DCDC2: variants seen among roughly 807,000 people sequenced by gnomAD.
DCDC2 encodes doublecortin domain containing 2.
A neutral mutation model predicts 50.2 loss-of-function variants in DCDC2; 40 were observed. That is an observed-to-expected ratio of 0.80 (90% confidence interval 0.62 to 1.04). The LOEUF is 1.04. Among genes scored for constraint, DCDC2 ranks in the 50% least tolerant of loss-of-function variants. The probability of loss-of-function intolerance (pLI) is 0.00; values close to 1 mark genes in which losing one functional copy is unlikely to be tolerated. For synonymous variants in DCDC2, 234 were observed against 210.6 expected, an observed-to-expected ratio of 1.11 and a Z score of -0.96; for missense variants, 570 against 581.9, an observed-to-expected ratio of 0.98 and a Z score of 0.21.
At chr6:24,277,455 C>T (rs1763386030) in intron 7 of DCDC2, among the ~76,000 whole-genome samples, 1 of 152,358 alleles carries the variant, frequency 6.6e-6, no homozygotes. Context: ...TCATTACATA[C>T]TTCCTTAGTC....
intron 7 of DCDC2, among the ~76,000 whole-genome samples, chr6:24,274,605 C>CAAAAAAAAAAAAA (rs61569208): frequency 1.3e-4 from 11 of 82,412 alleles, no homozygotes; most frequent in Non-Finnish European, 1.8e-4. Flanking sequence ...GAAACAGAGT[C>CAAAAAAAAAAAAA]AAAAAAAAAA....
intron 8 of DCDC2, among the ~76,000 whole-genome samples, chr6:24,196,886 A>C (rs1471695939): frequency 6.6e-6 from 1 of 152,204 alleles, no homozygotes; most frequent in African/African-American, 2.4e-5. Context: ...ACTATAATGA[A>C]ACTAATGGGC....
intron 8 of DCDC2, among the ~76,000 whole-genome samples, chr6:24,180,600 T>C (rs13207282): frequency 0.48 from 73,430 of 151,870 alleles, 19,809 homozygotes; most frequent in Non-Finnish European, 0.59. Context: ...GGGTTTTTTT[T>C]AATGATAGGG....
intron 7 of DCDC2, among the ~76,000 whole-genome samples, chr6:24,248,923 A>T (rs1561906284): frequency 6.6e-6 from 1 of 152,338 alleles, no homozygotes; most frequent in East Asian, 1.9e-4. Flanking sequence ...CTTTAAAACC[A>T]TAACTACCAA....
intron 7 of DCDC2, among the ~76,000 whole-genome samples, chr6:24,220,870 A>AGAGAGACAGAGAGCGAGAGAGAGAGAGAC (rs1554146303): frequency 7.9e-6 from 1 of 127,192 alleles, no homozygotes; most frequent in East Asian, 2.6e-4. Flanking sequence ...GACAGAGAGC[A>AGAGAGACAGAGAGCGAGAGAGAGAGAGAC]AGAGAGCGAG....
intron 7 of DCDC2, among the ~76,000 whole-genome samples, chr6:24,223,762 G>T (rs1476659002): frequency 6.6e-6 from 1 of 152,222 alleles, no homozygotes; most frequent in Admixed American, 6.5e-5. Context: ...CTGAGGATCT[G>T]CAGCTAACAA....
At chr6:24,283,959 C>T (rs1228828128) in intron 6 of DCDC2, among the ~76,000 whole-genome samples, 1 of 152,164 alleles carries the variant, frequency 6.6e-6, no homozygotes, top group African/African-American at 2.4e-5. Context: ...TCTCTCACTT[C>T]CTCTTCCCAT....
intron 2 of DCDC2, among the ~76,000 whole-genome samples, chr6:24,348,766 G>A (rs1268090518): frequency 6.6e-6 from 1 of 152,048 alleles, no homozygotes; most frequent in South Asian, 2.1e-4. Context: ...CACTTCCTCA[G>A]TCCTCTGAGC....
At chr6:24,377,677 TATAGG>T in the DCDC2 span, among the ~76,000 whole-genome samples, 1 of 152,190 alleles carries the variant, frequency 6.6e-6, no homozygotes, top group Non-Finnish European at 1.5e-5. Flanking sequence ...AAAACTGGCA[TATAGG>T]ATTAAAAGAA....
intron 8 of DCDC2, among the ~76,000 whole-genome samples, chr6:24,190,015 T>A (rs1761281808): frequency 6.6e-6 from 1 of 152,110 alleles, no homozygotes; most frequent in African/African-American, 2.4e-5. Flanking sequence ...CAGTTTCAAT[T>A]TTTTATGATG....
chr6:24,284,956 A>G (rs1700280603), intron 6 of DCDC2, among the ~76,000 whole-genome samples: 1 of 152,148 alleles, frequency 6.6e-6, no homozygotes, highest in African/African-American at 2.4e-5. Flanking sequence ...CATAGCATTT[A>G]TCACCATTTG....
At chr6:24,204,814 G>A (rs1761672882) in intron 8 of DCDC2, among the ~76,000 whole-genome samples, 188 bp downstream of exon 8, 1 of 151,466 alleles carries the variant, frequency 6.6e-6, no homozygotes, top group Admixed American at 6.6e-5. Context: ...GGTCTAAATG[G>A]CTATTCTTCA....
intron 7 of DCDC2, among the ~76,000 whole-genome samples, chr6:24,238,406 A>G (rs796227908): frequency 4.0e-5 from 6 of 151,260 alleles, no homozygotes; most frequent in African/African-American, 1.5e-4. Flanking sequence ...TCAAGCGATT[A>G]TCATGCCTCA....
chr6:24,379,406 A>G, the DCDC2 span, among the ~76,000 whole-genome samples: 11 of 152,382 alleles, frequency 7.2e-5, no homozygotes, highest in Middle Eastern at 6.8e-3. Flanking sequence ...TTCTCAAAAA[A>G]AGACATTTAT....
At chr6:24,179,673 G>A (rs1290022331) in intron 8 of DCDC2, among the ~76,000 whole-genome samples, 2 of 151,232 alleles carry the variant, frequency 1.3e-5, no homozygotes, top group Non-Finnish European at 1.5e-5. Flanking sequence ...GGGAACAGGA[G>A]GCCAGGCACG....
intron 2 of DCDC2, among the ~76,000 whole-genome samples, chr6:24,319,835 G>A (rs1207640526): frequency 6.6e-6 from 1 of 152,112 alleles, no homozygotes; most frequent in African/African-American, 2.4e-5. Flanking sequence ...AGCAGAGATG[G>A]AGGGAGAGGA....
intron 4 of DCDC2, among the ~76,000 whole-genome samples, chr6:24,294,308 T>C (rs1318873429): frequency 6.6e-6 from 1 of 151,924 alleles, no homozygotes; most frequent in Non-Finnish European, 1.5e-5. Context: ...TGAACAGAGA[T>C]CATGCCACTG....
At position 24,276,108 on chromosome 6, in the gene DCDC2, G is replaced by A. The variant is rs568437760; in HGVS notation, c.922+1941C>T. Among the ~76,000 whole-genome samples the A allele has an allele frequency of 7.9e-5, 12 of 151,804 alleles. No homozygotes were observed. The South Asian group carries it at 1.0e-3, about 13-fold the overall frequency. On this transcript the variant is annotated intron_variant, in intron 7 of 9. Coordinates refer to ENST00000378454, the MANE Select transcript of DCDC2 (RefSeq NM_016356.5). ...GGCTGGTCTCAAACTCAAGCAATCC[G>A]ACTACCCACCTTGGCCTCTCAAAGT...
In DCDC2 at chr6:24,353,697, T is replaced by TA. The variant is rs977004150; in HGVS notation, c.294-75dup. ...GTCAGTAATTTATTTTTAAAAATCA[T>TA]AAAAAAATAAAGCAACTCATAGGAA... On this transcript the variant is annotated intron_variant, in intron 1 of 9. Coordinates refer to ENST00000378454, the MANE Select transcript of DCDC2 (RefSeq NM_016356.5). The TA allele has an allele frequency of 9.3e-6, 9 of 967,938 alleles. No homozygotes were observed. The African/African-American group carries it at 1.2e-4, about 13-fold the overall frequency. The allele number at this position is 967,938 out of a possible 1,614,324, so 60.0% of individuals were successfully genotyped here. A position where few individuals can be genotyped will look rare whatever the true frequency, so the allele number is the denominator to read the frequency against.
Sources: gnomAD v4.1 joint callset for allele counts (sites outside exome capture counted in the v4.1 genomes callset) on GRCh38, gnomAD v4.1.1 for gene constraint, MANE v1.5 for transcripts, NCBI Gene and HGNC (gene_info 2026-07-23, HGNC 2026-07-21) for gene names.